DHRS7B: variants seen among roughly 807,000 people sequenced by gnomAD.
The protein encoded by DHRS7B is peroxisomal reductase activating PPAR-gamma.
DHRS7B carries 24 observed loss-of-function variants against 26.4 expected under a neutral mutation model. The ratio of observed to expected loss-of-function variants is 0.91; its 90% CI spans 0.66 to 1.28. The LOEUF (loss-of-function observed/expected upper bound fraction) is 1.28, where lower values mean the gene tolerates loss of function less well. Among genes scored for constraint, DHRS7B ranks in the 50% most tolerant of loss-of-function variants. The probability of loss-of-function intolerance (pLI) is 0.00; values close to 1 mark genes in which losing one functional copy is unlikely to be tolerated. For synonymous variants in DHRS7B, 142 were observed against 166.4 expected (o/e 0.85, Z 1.13); for missense variants, 368 against 419.4 (o/e 0.88, Z 1.07).
chr17:21,139,631 G>A (rs890099887), intron 1 of DHRS7B, among the ~76,000 whole-genome samples: 2 of 151,514 alleles, frequency 1.3e-5, no homozygotes, highest in East Asian at 3.9e-4. Context: ...CCAAGATCGC[G>A]CCACTGCACT....
In DHRS7B at chr17:21,190,871, G is replaced by T. The variant is rs991797279; in HGVS notation, c.773-77G>T. On this transcript the variant is annotated intron_variant, in intron 6 of 6. Transcript: ENST00000395511. Reference sequence around the variant, plus strand: ...GGGAAAGGCAGCAGGCTGACCTGACGACTCACATCAGCTCCACTCCTCAAG... The same window carrying T: ...GGGAAAGGCAGCAGGCTGACCTGACTACTCACATCAGCTCCACTCCTCAAG... The T allele has an allele frequency of 5.4e-6, 8 of 1,493,428 alleles. No individual in the cohort carries two copies. The African/African-American group carries it at 9.7e-5, about 18-fold the overall frequency. The allele number at this position is 1,493,428 out of a possible 1,614,324, so 92.5% of individuals were successfully genotyped here. A position where few individuals can be genotyped will look rare whatever the true frequency, so the allele number is the denominator to read the frequency against.
chr17:21,190,152 C>T lies in DHRS7B; in HGVS notation c.773-796C>T, dbSNP rs140778972. Among the ~76,000 whole-genome samples the T allele has an allele frequency of 9.5e-3, 1,428 of 151,074 alleles. 23 individuals are homozygous for T. The highest frequency in any genetic ancestry group is 0.033 in the African/African-American group (1,341 of 41,064). ...CTGCACTCCAGCCTGGGCAACAGAG[C>T]GAAACCCTGTCTTTAAAAAAAAAAA... On this transcript the variant is annotated intron_variant, in intron 6 of 6. Transcript: ENST00000395511.
In DHRS7B at chr17:21,172,010, TC is replaced by T; in HGVS notation, c.21-7del. 6.2e-7 allele frequency: 1 copy of T among 1,614,198 alleles called. No individual in the cohort carries two copies. The highest frequency in any genetic ancestry group is 1.1e-5 in the South Asian group (1 of 91,082). The stretch of plus-strand genomic sequence containing the variant: ...TGTCACTGGTGTGTTTGGTTTTGGT[TC>T]TTCCAGGAAGAGTCTGCCGAAGGTG... On this transcript the variant is annotated splice_polypyrimidine_tract_variant and splice_region_variant and intron_variant, in intron 1 of 6. Coordinates refer to ENST00000395511, the MANE Select transcript of DHRS7B (RefSeq NM_015510.5).
At chr17:21,172,256 G>C in intron 2 of DHRS7B, 60 bp downstream of exon 2, 1 of 1,550,194 alleles carries the variant, frequency 6.5e-7, no homozygotes, top group Non-Finnish European at 8.7e-7. Context: ...GATGAGGAGC[G>C]GCCCAGCTGC....
chr17:21,178,290 G>A lies in DHRS7B; in HGVS notation c.257G>A (p.Gly86Asp), dbSNP rs752075245. The A allele has an allele frequency of 9.3e-6, 15 of 1,614,112 alleles. No individual in the cohort carries two copies. The Middle Eastern group carries it at 1.5e-3, about 160-fold the overall frequency. Residue 86 changes from glycine (G) to aspartate (D), a missense_variant, in exon 3 of 7, where the codon GGT becomes GAT. Gly to Asp is a moderately conservative substitution (Grantham distance 94, BLOSUM62 -1). Transcript: ENST00000395511. ...GAKLVLCGRN[G>D]GALEELIREL... ...AAACTGGTGCTCTGTGGCCGGAATG[G>A]TGGGGCCCTAGAAGAGCTCATCAGA...
chr17:21,146,127 G>A (rs1398920974), intron 1 of DHRS7B, among the ~76,000 whole-genome samples: 1 of 152,180 alleles, frequency 6.6e-6, no homozygotes, highest in Non-Finnish European at 1.5e-5. Flanking sequence ...TATAAGCCTG[G>A]GCACTGTAGC....
chr17:21,140,042 T>TTTTTTTTTTTTA (rs1390350748), intron 1 of DHRS7B, among the ~76,000 whole-genome samples: 1 of 113,954 alleles, frequency 8.8e-6, no homozygotes, highest in Admixed American at 9.1e-5. Flanking sequence ...TTTTTTTTTT[T>TTTTTTTTTTTTA]GAGACAGAGT....
chr17:21,165,512 A>T (rs1974091837), intron 1 of DHRS7B, among the ~76,000 whole-genome samples: 1 of 151,958 alleles, frequency 6.6e-6, no homozygotes. Context: ...TTTGGTAAAG[A>T]TGGGGTTTCG....
chr17:21,178,450 C>T (rs991983320), intron 3 of DHRS7B, 108 bp downstream of exon 3: 9 of 869,900 alleles, frequency 1.0e-5, no homozygotes, highest in East Asian at 1.0e-4. Context: ...GACATCCATG[C>T]GTCACACTGT....
intron 4 of DHRS7B, 129 bp from the exon 5 acceptor site, chr17:21,184,242 C>A: frequency 1.3e-6 from 1 of 780,590 alleles, no homozygotes; most frequent in South Asian, 1.8e-5. Context: ...ACATAGTCCT[C>A]TACCCTAAGG....
Position 21,178,298 on chromosome 17 carries a change from C to T in DHRS7B, c.265C>T (p.Leu89=), listed in dbSNP as rs1974430252. The T allele has an allele frequency of 6.2e-7, 1 of 1,614,194 alleles. No individual in the cohort carries two copies. Among genetic ancestry groups the T allele is most frequent in the Non-Finnish European group, 8.5e-7 (1 of 1,180,036 alleles). The change falls in exon 3 of 7, where the codon CTA becomes TTA. Residue 89 remains leucine (L), a synonymous_variant. Coordinates refer to ENST00000395511, the MANE Select transcript of DHRS7B (RefSeq NM_015510.5). ...LVLCGRNGGA[L]EELIRELTAS... ...GCTCTGTGGCCGGAATGGTGGGGCC[C>T]TAGAAGAGCTCATCAGAGAACTCAC...
chr17:21,168,509 C>G (rs1228700428), intron 1 of DHRS7B, among the ~76,000 whole-genome samples: 1 of 152,180 alleles, frequency 6.6e-6, no homozygotes, highest in Admixed American at 6.5e-5. Context: ...GCTGGGACTA[C>G]AGACGTGCAC....
At chr17:21,175,958 G>A (rs1182828608) in intron 2 of DHRS7B, among the ~76,000 whole-genome samples, 1 of 149,722 alleles carries the variant, frequency 6.7e-6, no homozygotes, top group East Asian at 2.0e-4. Context: ...AAAAAACTAT[G>A]TTTCAGTTTT....
intron 1 of DHRS7B, among the ~76,000 whole-genome samples, chr17:21,141,181 C>T (rs1973499807): frequency 6.6e-6 from 1 of 152,140 alleles, no homozygotes; most frequent in Non-Finnish European, 1.5e-5. Context: ...GGGGGCGGAA[C>T]TTAACCCCCA....
chr17:21,167,180 C>T (rs1974132998), intron 1 of DHRS7B, among the ~76,000 whole-genome samples: 1 of 152,026 alleles, frequency 6.6e-6, no homozygotes, highest in South Asian at 2.1e-4. Context: ...TTTGAGGTTC[C>T]AGAAGCCCTT....
intron 1 of DHRS7B, among the ~76,000 whole-genome samples, chr17:21,129,103 G>A (rs1452926050): frequency 6.6e-6 from 1 of 152,106 alleles, no homozygotes; most frequent in Non-Finnish European, 1.5e-5. Flanking sequence ...AACAGATAAA[G>A]CCCCTGTCTT....
chr17:21,182,555 CT>C (rs1216439105), intron 3 of DHRS7B, among the ~76,000 whole-genome samples: 2 of 151,542 alleles, frequency 1.3e-5, no homozygotes, highest in East Asian at 1.9e-4. Context: ...GGCCAATTTT[CT>C]TTTTTTTAAT....
intron 1 of DHRS7B, among the ~76,000 whole-genome samples, chr17:21,137,280 A>G (rs1427974733): frequency 7.2e-6 from 1 of 139,282 alleles, no homozygotes; most frequent in Non-Finnish European, 1.5e-5. Context: ...GGGCCTGCCC[A>G]TTTTTCTTTT....
In DHRS7B at chr17:21,172,106, C is replaced by G. The variant is rs201866774; in HGVS notation, c.109C>G (p.Leu37Val). The G allele has an allele frequency of 9.9e-6, 16 of 1,614,066 alleles. No homozygotes were observed. Among genetic ancestry groups the G allele is most frequent in the Non-Finnish European group, 1.4e-5 (16 of 1,180,040 alleles). The change falls in exon 2 of 7, where the codon CTC becomes GTC. Residue 37 changes from leucine (L) to valine (V), a missense_variant. Transcript: ENST00000395511. ...LLFGCLGVFG[L>V]FRLLQWVRGK... ...GTTCGGCTGCCTGGGCGTCTTCGGC[C>G]TCTTCCGGCTGCTGCAGTGGGTGCG...
Sources: gnomAD v4.1 joint callset for allele counts (sites outside exome capture counted in the v4.1 genomes callset) on GRCh38, gnomAD v4.1.1 for gene constraint, MANE v1.5 for transcripts, NCBI Gene and HGNC (gene_info 2026-07-23, HGNC 2026-07-21) for gene names.